The following SMYD5 variants were observed in gnomAD, a reference collection of about 807,000 sequenced individuals.
SMYD5 encodes protein-lysine N-trimethyltransferase SMYD5.
SMYD5 carries 35 observed loss-of-function variants against 57.4 expected under a neutral mutation model. The ratio of observed to expected loss-of-function variants is 0.61; its 90% confidence interval spans 0.47 to 0.81. The LOEUF (loss-of-function observed/expected upper bound fraction) is 0.81. Among genes scored for constraint, SMYD5 ranks in the 30% least tolerant of loss-of-function variants. SMYD5 has a pLI of 0.00. For missense variants in SMYD5, 471 were observed against 527.9 expected (o/e 0.89, Z 1.06); for synonymous variants, 198 against 189.7 (o/e 1.04, Z -0.36).
chr2:73,214,246 T>C lies in SMYD5; in HGVS notation c.-21T>C, dbSNP rs1247790036. On this transcript the variant is annotated 5_prime_UTR_variant, in exon 1 of 13. Transcript: ENST00000389501. ...CAGGTCGAGGCGGGGTTAAGGGTCATAAGGCGGAGGCGCGCCCAAGATGGC... is the reference window on the plus strand; with the variant it reads ...CAGGTCGAGGCGGGGTTAAGGGTCACAAGGCGGAGGCGCGCCCAAGATGGC... The C allele has an allele frequency of 1.1e-5, 17 of 1,612,502 alleles. No homozygotes were observed. Among genetic ancestry groups the C allele is most frequent in the Admixed American group, 5.0e-5 (3 of 59,974 alleles).
chr2:73,214,334 T>G lies in SMYD5; in HGVS notation c.68T>G (p.Val23Gly). ...VGVAGRARVS[V>G]EVRFVSSAKG... ...GTGGCGGGCCGCGCGCGGGTCTCCG[T>G]GGAAGTCCGTTTCGTGAGCAGCGCC... The change falls in exon 1 of 13, where the codon GTG becomes GGG. Residue 23 changes from valine (V) to glycine (G), a missense_variant. By Grantham distance (109) the Val-to-Gly change is moderately radical (BLOSUM62 -3). Coordinates refer to ENST00000389501, the MANE Select transcript of SMYD5 (RefSeq NM_006062.3). 6.2e-7 allele frequency: 1 copy of G among 1,613,182 alleles called. No homozygotes were observed. The highest frequency in any genetic ancestry group is 1.1e-5 in the South Asian group (1 of 91,034).
intron 1 of SMYD5, chr2:73,214,952 C>T: frequency 2.1e-6 from 1 of 476,580 alleles, no homozygotes; most frequent in Non-Finnish European, 2.7e-6. Flanking sequence ...ATACAAAAAT[C>T]ACCCATACTT....
Position 73,221,147 on chromosome 2 carries a change from T to C in SMYD5, c.468-18T>C. 6.2e-7 allele frequency: 1 copy of C among 1,611,428 alleles called. No homozygotes were observed. Among genetic ancestry groups the C allele is most frequent in the Non-Finnish European group, 8.5e-7 (1 of 1,177,574 alleles). ...TAGGGAGAGAATTTCTAGGCCAATC[T>C]TTTTTCTCTTTCCCCAGGAGTATTC... On this transcript the variant is annotated intron_variant, in intron 4 of 12. Transcript: ENST00000389501.
chr2:73,221,255 C>A lies in SMYD5; in HGVS notation c.537+21C>A, dbSNP rs187265582. ...AGCAGGTGAGCCCACCCAACCCTCT[C>A]GGGGAAGCTGACTTTGGCCCCATTC... is the stretch of plus-strand genomic sequence containing the variant. On this transcript the variant is annotated intron_variant, in intron 5 of 12. Coordinates refer to ENST00000389501, the MANE Select transcript of SMYD5 (RefSeq NM_006062.3). 88 of 1,607,342 alleles carry A rather than the reference C, an allele frequency of 5.5e-5. No homozygotes were observed. The South Asian group carries it at 9.1e-4, about 17-fold the overall frequency.
In SMYD5 at chr2:73,223,868, G is replaced by A. The variant is rs543004309; in HGVS notation, c.884-79G>A. 76 of 1,320,510 alleles carry A rather than the reference G, an allele frequency of 5.8e-5. No individual in the cohort carries two copies. The African/African-American group carries it at 9.1e-4, about 16-fold the overall frequency. 81.8% of individuals were successfully genotyped at this position (1,320,510 alleles called of 1,614,324 possible). Reference sequence around the variant, plus strand: ...GGGGTTGCAGGACAGTGGAGACAGTGCCTGTCCGTGTAAGCCTCGTTTCCT... The same window carrying A: ...GGGGTTGCAGGACAGTGGAGACAGTACCTGTCCGTGTAAGCCTCGTTTCCT... On this transcript the variant is annotated intron_variant, in intron 9 of 12. Transcript: ENST00000389501.
In SMYD5 at chr2:73,223,940, C is replaced by T. The variant is rs530200870; in HGVS notation, c.884-7C>T. 11 of 1,613,514 alleles carry T rather than the reference C, an allele frequency of 6.8e-6. No individual in the cohort carries two copies. The South Asian group carries it at 1.2e-4, about 18-fold the overall frequency. On this transcript the variant is annotated splice_polypyrimidine_tract_variant and splice_region_variant and intron_variant, in intron 9 of 12. Transcript: ENST00000389501. Reference sequence around the variant, plus strand: ...TAGAATAATGTGTGTGTATTACTGTCTTACAGCAACTGGAGAGTTTCTTAA... The same window carrying T: ...TAGAATAATGTGTGTGTATTACTGTTTTACAGCAACTGGAGAGTTTCTTAA...
In SMYD5 at chr2:73,223,536, G is replaced by A; in HGVS notation, c.883+4G>A. On this transcript the variant is annotated splice_donor_region_variant and intron_variant, in intron 9 of 12. Transcript: ENST00000389501. ...CTATACAAGGACATCGAGGCAGGTT[G>A]GTGAGATAGGGCCTTGGCCTCACCC... The A allele has an allele frequency of 6.2e-7, 1 of 1,600,216 alleles. No homozygotes were observed.
At chr2:73,221,796 G>C in intron 5 of SMYD5, 30 bp from the exon 6 acceptor site, 1 of 1,515,570 alleles carries the variant, frequency 6.6e-7, no homozygotes, top group Non-Finnish European at 9.2e-7. Flanking sequence ...GTGGGTATCT[G>C]TGACCCTTAA....
chr2:73,215,567 G>A (rs1166849026), intron 1 of SMYD5, among the ~76,000 whole-genome samples: 2 of 152,126 alleles, frequency 1.3e-5, no homozygotes, highest in African/African-American at 4.8e-5. Context: ...CTCCTGGGTG[G>A]CCACAGTTTG....
intron 1 of SMYD5, among the ~76,000 whole-genome samples, chr2:73,218,632 G>C (rs1421635892): frequency 6.6e-6 from 1 of 152,204 alleles, no homozygotes; most frequent in Non-Finnish European, 1.5e-5. Flanking sequence ...CCTGTTCCAG[G>C]CCTTCTGCTC....
In SMYD5 at chr2:73,227,185, C is replaced by T. The variant is rs1340326496; in HGVS notation, c.*1239C>T. 2 of 152,718 alleles carry T rather than the reference C, an allele frequency of 1.3e-5. No homozygotes were observed. The highest frequency in any genetic ancestry group is 2.9e-5 in the Non-Finnish European group (2 of 68,184). The allele number at this position is 152,718 out of a possible 1,614,324, so 9.5% of individuals were successfully genotyped here. On this transcript the variant is annotated 3_prime_UTR_variant, in exon 13 of 13. Transcript: ENST00000389501. ...AACGGTCAGCACTCCTCTCCCAGCC[C>T]CCCTGCCCACTGTTCTCAATAAAAT...
At chr2:73,215,219 G>T (rs555293642) in intron 1 of SMYD5, among the ~76,000 whole-genome samples, 1 of 152,128 alleles carries the variant, frequency 6.6e-6, no homozygotes, top group Admixed American at 6.5e-5. Context: ...CTCTTGTTTT[G>T]TCCAGCAGTA....
In SMYD5 at chr2:73,223,496, G is replaced by A. The variant is rs777688574; in HGVS notation, c.847G>A (p.Ala283Thr). The A allele has an allele frequency of 1.7e-5, 28 of 1,613,868 alleles. No individual in the cohort carries two copies. In the Admixed American group the frequency reaches 2.5e-4, roughly 14 times the overall value. The stretch of plus-strand genomic sequence containing the variant: ...GCCTCAGGACCGTGAGCAGCTTGAC[G>A]CCTTCATTGACCAGCTATACAAGGA... ...LKPQDREQLD[A>T]FIDQLYKDIE... Residue 283 changes from alanine (A) to threonine (T), a missense_variant, in exon 9 of 13, where the codon GCC (alanine) becomes ACC (threonine). Transcript: ENST00000389501.
chr2:73,222,922 G>T, intron 7 of SMYD5, 105 bp downstream of exon 7: 1 of 1,491,416 alleles, frequency 6.7e-7, no homozygotes, highest in Non-Finnish European at 9.4e-7. Flanking sequence ...AAGCCGACTT[G>T]GTCTTCTGGA....
At chr2:73,221,356 A>G in intron 5 of SMYD5, 122 bp downstream of exon 5, 1 of 762,352 alleles carries the variant, frequency 1.3e-6, no homozygotes, top group Non-Finnish European at 2.2e-6. Context: ...TTCCCAAAGG[A>G]GAGCTCCTTG....
rs1686250488 is a variant in SMYD5, at chr2:73,214,355, G to C, written c.89G>C (p.Ser30Thr). Residue 30 changes from serine (S) to threonine (T), a missense_variant, in exon 1 of 13, where the codon AGC becomes ACC. Ser to Thr is a moderately conservative substitution (Grantham distance 58). Transcript: ENST00000389501. The part of the protein sequence containing the change: ...RVSVEVRFVS[S>T]AKGKGLFATQ... Reference sequence around the variant, plus strand: ...TCCGTGGAAGTCCGTTTCGTGAGCAGCGCCAAGGTGAGGTCGGGGCGGGTC... The same window carrying C: ...TCCGTGGAAGTCCGTTTCGTGAGCACCGCCAAGGTGAGGTCGGGGCGGGTC... 6.2e-7 allele frequency: 1 copy of C among 1,613,486 alleles called. No individual in the cohort carries two copies. The highest frequency in any genetic ancestry group is 8.5e-7 in the Non-Finnish European group (1 of 1,179,796).
chr2:73,225,070 T>G (rs1574342694), intron 11 of SMYD5, 110 bp downstream of exon 11: 3 of 751,060 alleles, frequency 4.0e-6, no homozygotes, highest in Non-Finnish European at 6.7e-6. Flanking sequence ...GGCTGTTGGG[T>G]GGAATCCCCA....
rs957109261 is a variant in SMYD5, at chr2:73,221,034, C to T, written c.468-131C>T. The T allele has an allele frequency of 4.7e-5, 43 of 912,484 alleles. No individual in the cohort carries two copies. In the African/African-American group the frequency reaches 6.4e-4, roughly 14 times the overall value. 56.5% of individuals were successfully genotyped at this position (912,484 alleles called of 1,614,324 possible). ...TAGGGATGCAAAGTCTTGCCTAAGTCCTTGTCTATGACTTTCCTGGTAATT... is the reference window on the plus strand; with the variant it reads ...TAGGGATGCAAAGTCTTGCCTAAGTTCTTGTCTATGACTTTCCTGGTAATT... On this transcript the variant is annotated intron_variant, in intron 4 of 12. Transcript: ENST00000389501.
chr2:73,220,580 G>T (rs929649326), intron 3 of SMYD5, 81 bp from the exon 4 acceptor site: 5 of 1,522,474 alleles, frequency 3.3e-6, no homozygotes, highest in Non-Finnish European at 4.5e-6. Context: ...CAGCTCAGGG[G>T]CTATTTGTGG....
Sources: allele counts gnomAD v4.1 joint callset (sites outside exome capture counted in the v4.1 genomes callset), GRCh38; gene constraint gnomAD v4.1.1; transcripts MANE v1.5; gene names NCBI Gene and HGNC (gene_info 2026-07-23, HGNC 2026-07-21).